ATM: variants seen among roughly 807,000 people sequenced by gnomAD.
ATM encodes the protein serine-protein kinase ATM.
In ATM, 308 loss-of-function variants were observed where a neutral mutation model predicts 387.0. The ratio of observed to expected loss-of-function variants is 0.80; its 90% CI spans 0.73 to 0.87. The LOEUF is 0.87. ATM is among the 40% of genes least tolerant of loss of function. The probability of loss-of-function intolerance (pLI) is 0.00; values close to 1 mark genes in which losing one functional copy is unlikely to be tolerated. For synonymous variants in ATM, 1,156 were observed against 1,187.3 expected (o/e 0.97, Z 0.54); for missense variants, 3,312 against 3,560.9 (o/e 0.93, Z 1.78).
In ATM at chr11:108,366,387, ATTTTTAATGTT is replaced by A. The variant is rs941488241; in HGVS notation, c.*895_*905del. 5 of 216,374 alleles carry A rather than the reference ATTTTTAATGTT, an allele frequency of 2.3e-5. No individual in the cohort carries two copies. Among genetic ancestry groups the A allele is most frequent in the African/African-American group, 1.1e-4 (5 of 44,346 alleles). 13.4% of individuals were successfully genotyped at this position (216,374 alleles called of 1,614,324 possible). On this transcript the variant is annotated 3_prime_UTR_variant, in exon 63 of 63. Coordinates refer to ENST00000675843, the MANE Select transcript of ATM (RefSeq NM_000051.4). ...TTTCAGATCTCTGTTTCTTGATGTC[ATTTTTAATGTT>A]TTTTTAATGTTTTTTATGTCACTAA...
intron 5 of ATM, among the ~76,000 whole-genome samples, chr11:108,241,761 T>G (rs1166547997): frequency 7.2e-6 from 1 of 139,832 alleles, no homozygotes; most frequent in Non-Finnish European, 1.5e-5. Context: ...TTTTTTTTTT[T>G]TTTTTTGAGA....
intron 7 of ATM, among the ~76,000 whole-genome samples, chr11:108,246,162 T>A (rs2079839977): frequency 6.6e-6 from 1 of 152,120 alleles, no homozygotes; most frequent in Non-Finnish European, 1.5e-5. Context: ...GTGTATTTGT[T>A]TTATGGGCTC....
intron 32 of ATM, chr11:108,296,129 T>TA (rs1202318875): frequency 6.6e-6 from 1 of 152,212 alleles, no homozygotes; most frequent in African/African-American, 2.4e-5. Context: ...TATATGTAAG[T>TA]ATGTATTTGT....
At position 108,249,092 on chromosome 11, in the gene ATM, C is replaced by T. The variant is rs786203815; in HGVS notation, c.1225C>T (p.Leu409Phe). The T allele has an allele frequency of 1.2e-6, 2 of 1,613,732 alleles. No individual in the cohort carries two copies. Among genetic ancestry groups the T allele is most frequent in the Non-Finnish European group, 1.7e-6 (2 of 1,179,928 alleles). The stretch of plus-strand genomic sequence containing the variant: ...TCAGAAGTCACAGAATGATTTTGAT[C>T]TTGTGCCTTGGTAAAGTGTTACCAT... ...HLQKSQNDFD[L>F]VPWLQIATQL... The change falls in exon 9 of 63, where the codon CTT (leucine) becomes TTT (phenylalanine). Residue 409 changes from leucine (L) to phenylalanine (F), a missense_variant. By Grantham distance (22) the Leu-to-Phe change is conservative (BLOSUM62 0). Coordinates refer to ENST00000675843, the MANE Select transcript of ATM (RefSeq NM_000051.4).
In ATM at chr11:108,365,674, G is replaced by T. The variant is rs1447463654; in HGVS notation, c.*166G>T. On this transcript the variant is annotated 3_prime_UTR_variant, in exon 63 of 63. Transcript: ENST00000675843. ...CTTGATTTAATCACCACTCAAAAAT[G>T]TTTTGATGGTCTTAAGGAACATCTC... 4.7e-6 allele frequency: 4 copies of T among 851,322 alleles called. No homozygotes were observed. Among genetic ancestry groups the T allele is most frequent in the Non-Finnish European group, 7.1e-6 (4 of 560,114 alleles). 52.7% of individuals were successfully genotyped at this position (851,322 alleles called of 1,614,324 possible).
intron 32 of ATM, chr11:108,296,980 G>A (rs191916624): frequency 5.8e-6 from 2 of 347,348 alleles, no homozygotes; most frequent in Admixed American, 8.6e-5. Context: ...GTCCCTTCTA[G>A]CTTTAGTGTT....
In ATM at chr11:108,367,751, G is replaced by A. The variant is rs753553603; in HGVS notation, c.*2243G>A. 8.3e-5 allele frequency: 18 copies of A among 216,916 alleles called. No individual in the cohort carries two copies. Among genetic ancestry groups the A allele is most frequent in the Non-Finnish European group, 1.5e-4 (16 of 107,850 alleles). 13.4% of individuals were successfully genotyped at this position (216,916 alleles called of 1,614,324 possible). Reference sequence around the variant, plus strand: ...CTAAAACCAATCTCCAGAACTTTTTGGACTATAAATTTCTTGGTTTGACTT... The same window carrying A: ...CTAAAACCAATCTCCAGAACTTTTTAGACTATAAATTTCTTGGTTTGACTT... On this transcript the variant is annotated 3_prime_UTR_variant, in exon 63 of 63. Coordinates refer to ENST00000675843, the MANE Select transcript of ATM (RefSeq NM_000051.4).
At position 108,244,747 on chromosome 11, in the gene ATM, C is replaced by A. The variant is rs373124331; in HGVS notation, c.663-41C>A. ...AACTGTTCAGTTTGTACAGTTTGTT[C>A]CCCCTGTTATACCCAGTTGAGCTTG... On this transcript the variant is annotated intron_variant, in intron 6 of 62. Coordinates refer to ENST00000675843, the MANE Select transcript of ATM (RefSeq NM_000051.4). 1.8e-5 allele frequency: 26 copies of A among 1,451,970 alleles called. No individual in the cohort carries two copies. In the African/African-American group the frequency reaches 3.7e-4, roughly 20 times the overall value. 89.9% of individuals were successfully genotyped at this position (1,451,970 alleles called of 1,614,324 possible). A position where few individuals can be genotyped will look rare whatever the true frequency, so the allele number is the denominator to read the frequency against.
In ATM at chr11:108,267,225, G is replaced by A. The variant is rs2135506577; in HGVS notation, c.2521G>A (p.Asp841Asn). The A allele has an allele frequency of 6.2e-7, 1 of 1,614,110 alleles. No individual in the cohort carries two copies. The highest frequency in any genetic ancestry group is 8.5e-7 in the Non-Finnish European group (1 of 1,179,976). ...DRGEVESMEDDTNGNLMEVED... is the reference protein window; with the variant it reads ...DRGEVESMEDNTNGNLMEVED... Reference sequence around the variant, plus strand: ...TGGAGAAGTAGAATCAATGGAAGATGATACTAATGGAAATCTAATGGAGGT... The same window carrying A: ...TGGAGAAGTAGAATCAATGGAAGATAATACTAATGGAAATCTAATGGAGGT... The change falls in exon 17 of 63, where the codon GAT becomes AAT. Residue 841 changes from aspartate (D) to asparagine (N), a missense_variant. Physicochemically the swap from Asp to Asn is conservative, Grantham distance 23 (BLOSUM62 1). This residue lies in a region of ATM where 1,791 missense variants were observed against 1,804.5 expected (regional missense o/e 0.99). Transcript: ENST00000675843.
chr11:108,360,469 C>A (rs1275203970), intron 61 of ATM, among the ~76,000 whole-genome samples: 4 of 120,286 alleles, frequency 3.3e-5, no homozygotes, highest in Middle Eastern at 4.5e-3. Context: ...ATTCTGATAC[C>A]AAAGCCGGGC....
At chr11:108,243,915 T>C (rs1408792879) in intron 5 of ATM, 38 bp from the exon 6 acceptor site, 1 of 1,498,284 alleles carries the variant, frequency 6.7e-7, no homozygotes, top group Admixed American at 2.1e-5. Context: ...TTTTGATTTT[T>C]AAAAAATCAT....
At chr11:108,308,953 G>A (rs2083903331) in intron 38 of ATM, 1 of 1,448,572 alleles carries the variant, frequency 6.9e-7, no homozygotes, top group Non-Finnish European at 9.4e-7. Flanking sequence ...TTTTACCTTT[G>A]AGTCATTCAT....
At position 108,227,787 on chromosome 11, in the gene ATM, G is replaced by T; in HGVS notation, c.84G>T (p.Glu28Asp). ...CTTTTTATTTTCAGAAAGAAGTTGA[G>T]AAATTTAAGCGCCTGATTCGAGATC... ...DRATERKKEVEKFKRLIRDPE... is the reference protein window; with the variant it reads ...DRATERKKEVDKFKRLIRDPE... Residue 28 changes from glutamate (E) to aspartate (D), a missense_variant, in exon 3 of 63, where the codon GAG becomes GAT. Physicochemically the swap from Glu to Asp is conservative, Grantham distance 45. This residue lies in a region of ATM where 1,791 missense variants were observed against 1,804.5 expected (regional missense o/e 0.99). Transcript: ENST00000675843. 1.2e-6 allele frequency: 2 copies of T among 1,613,576 alleles called. No individual in the cohort carries two copies. Among genetic ancestry groups the T allele is most frequent in the Non-Finnish European group, 1.7e-6 (2 of 1,179,780 alleles).
chr11:108,292,925 A>G, intron 30 of ATM, 132 bp downstream of exon 30: 1 of 1,123,754 alleles, frequency 8.9e-7, no homozygotes, highest in East Asian at 2.6e-5. Flanking sequence ...ATGATTGGAA[A>G]AATATTCTTA....
intron 26 of ATM, chr11:108,287,348 A>G (rs1212554812): frequency 1.1e-5 from 3 of 283,464 alleles, no homozygotes; most frequent in Non-Finnish European, 1.9e-5. Flanking sequence ...ATGATTCTCT[A>G]AAATTGAAGA....
chr11:108,229,099 G>A, intron 3 of ATM, 79 bp from the exon 4 acceptor site: 1 of 1,449,296 alleles, frequency 6.9e-7, no homozygotes, highest in South Asian at 1.3e-5. Context: ...TGCTCTTTGT[G>A]ATGGCATGAA....
intron 59 of ATM, among the ~76,000 whole-genome samples, chr11:108,352,244 A>T (rs557725052): frequency 4.5e-4 from 68 of 152,372 alleles, no homozygotes; most frequent in African/African-American, 1.5e-3. Context: ...TCATAAAAAC[A>T]CTGAAGGAAC....
At chr11:108,286,429 G>A (rs1164962805) in intron 26 of ATM, among the ~76,000 whole-genome samples, 5 of 152,064 alleles carry the variant, frequency 3.3e-5, no homozygotes, top group African/African-American at 1.2e-4. Context: ...CCACAGAGTG[G>A]GAGTGGGCCC....
chr11:108,297,922 C>T (rs1266149787), intron 33 of ATM, among the ~76,000 whole-genome samples: 2 of 152,052 alleles, frequency 1.3e-5, no homozygotes, highest in Non-Finnish European at 2.9e-5. Flanking sequence ...TTAGGAAAGT[C>T]AGAAATACTT....
Sources: allele counts gnomAD v4.1 joint callset (sites outside exome capture counted in the v4.1 genomes callset), GRCh38; gene constraint gnomAD v4.1.1; regional missense constraint gnomAD v4.1.1; transcripts MANE v1.5; gene names NCBI Gene and HGNC (gene_info 2026-07-23, HGNC 2026-07-21).